Variants in ZEB1 observed in about 807,000 individuals in gnomAD.
ZEB1 encodes the protein zinc finger E-box-binding homeobox 1.
In ZEB1, 21 loss-of-function variants were observed where a neutral mutation model predicts 84.9. The ratio of observed to expected loss-of-function variants is 0.25; its 90% CI spans 0.18 to 0.36. The LOEUF (loss-of-function observed/expected upper bound fraction) is 0.36, where lower values mean the gene tolerates loss of function less well. Ranked by LOEUF, ZEB1 falls within the 10% of genes least tolerant of loss-of-function variation. The probability of loss-of-function intolerance (pLI) is 1.00; values close to 1 mark genes in which losing one functional copy is unlikely to be tolerated. For synonymous variants in ZEB1, 420 were observed against 471.1 expected (o/e 0.89, Z 1.41); for missense variants, 1,104 against 1,330.2 (o/e 0.83, Z 2.65).
chr10:31,420,254 G>A (rs868213798), intron 1 of ZEB1, among the ~76,000 whole-genome samples: 4 of 152,036 alleles, frequency 2.6e-5, no homozygotes, highest in South Asian at 2.1e-4. Context: ...TAAACAACAC[G>A]TATTTATTGT....
At chr10:31,349,291 TA>T (rs1337220510) in intron 1 of ZEB1, among the ~76,000 whole-genome samples, 1 of 152,266 alleles carries the variant, frequency 6.6e-6, no homozygotes, top group Non-Finnish European at 1.5e-5. Flanking sequence ...GTTGTGTGCG[TA>T]TACTACATTC....
chr10:31,482,927 C>T (rs2065235727), intron 2 of ZEB1, among the ~76,000 whole-genome samples: 1 of 152,008 alleles, frequency 6.6e-6, no homozygotes, highest in Non-Finnish European at 1.5e-5. Context: ...AGATATCTTG[C>T]CCCAAAGGAA....
At chr10:31,396,229 T>C (rs1425540613) in intron 1 of ZEB1, among the ~76,000 whole-genome samples, 2 of 152,212 alleles carry the variant, frequency 1.3e-5, no homozygotes, top group African/African-American at 4.8e-5. Flanking sequence ...TTATGAAATA[T>C]GTCATGTATA....
intron 1 of ZEB1, among the ~76,000 whole-genome samples, chr10:31,412,854 C>T (rs2054553527): frequency 6.6e-6 from 1 of 152,116 alleles, no homozygotes; most frequent in Non-Finnish European, 1.5e-5. Flanking sequence ...TGTTATTCAT[C>T]CAGCGAAGGT....
chr10:31,445,165 C>T (rs1385176429), intron 1 of ZEB1, among the ~76,000 whole-genome samples: 1 of 141,240 alleles, frequency 7.1e-6, no homozygotes, highest in Non-Finnish European at 1.5e-5. Flanking sequence ...GTATTTTATT[C>T]TCTTTGAAGC....
chr10:31,450,699 C>G (rs223529), intron 1 of ZEB1, among the ~76,000 whole-genome samples: 11,881 of 152,100 alleles, frequency 0.078, 659 homozygotes, highest in African/African-American at 0.16. Context: ...GCAAAAGTAT[C>G]AGCAAGGGAA....
intron 1 of ZEB1, among the ~76,000 whole-genome samples, chr10:31,330,938 C>CT (rs1037396824): frequency 2.0e-5 from 3 of 151,708 alleles, no homozygotes; most frequent in Non-Finnish European, 2.9e-5. Flanking sequence ...TTTAATACTC[C>CT]TTTTAGCTCT....
chr10:31,523,250 CG>C (rs1565221123), intron 7 of ZEB1, among the ~76,000 whole-genome samples: 1 of 152,200 alleles, frequency 6.6e-6, no homozygotes, highest in East Asian at 1.9e-4. Context: ...TACATAAGAA[CG>C]TGCTGCCCAA....
chr10:31,442,556 A>T (rs1455058246), intron 1 of ZEB1, among the ~76,000 whole-genome samples: 2 of 142,200 alleles, frequency 1.4e-5, no homozygotes. Flanking sequence ...TTAAAAGTAT[A>T]ATAATAATAA....
At chr10:31,474,153 A>C (rs1293760660) in intron 2 of ZEB1, among the ~76,000 whole-genome samples, 1 of 152,212 alleles carries the variant, frequency 6.6e-6, no homozygotes, top group Admixed American at 6.5e-5. Context: ...GGCACGGGCA[A>C]GGACTTCATG....
At chr10:31,477,709 C>T (rs946718400) in intron 2 of ZEB1, among the ~76,000 whole-genome samples, 5 of 151,960 alleles carry the variant, frequency 3.3e-5, no homozygotes, top group Non-Finnish European at 7.4e-5. Context: ...AATAAAGTGA[C>T]ATACCTACAA....
chr10:31,429,519 A>G (rs149144), intron 1 of ZEB1, among the ~76,000 whole-genome samples: 11,926 of 152,028 alleles, frequency 0.078, 667 homozygotes, highest in African/African-American at 0.16. Context: ...AACAACAGAC[A>G]CTGGGGCTTA....
At position 31,328,037 on chromosome 10, in the gene ZEB1, C is replaced by T. The variant is rs569688525; in HGVS notation, c.58+8745C>T. On this transcript the variant is annotated intron_variant, in intron 1 of 8. Coordinates refer to ENST00000424869, the MANE Select transcript of ZEB1 (RefSeq NM_001174096.2). ...GTGTATTTAAGATGATAATCCCCAACGTTTCAGTCATTTGACTTTGGTACA... is the reference window on the plus strand; with the variant it reads ...GTGTATTTAAGATGATAATCCCCAATGTTTCAGTCATTTGACTTTGGTACA... Among the ~76,000 whole-genome samples the T allele has an allele frequency of 4.6e-5, 7 of 152,194 alleles. No homozygotes were observed. In the South Asian group the frequency reaches 1.2e-3, roughly 27 times the overall value.
At position 31,521,956 on chromosome 10, in the gene ZEB1, C is replaced by G; in HGVS notation, c.2604+20C>G. The G allele has an allele frequency of 6.2e-7, 1 of 1,613,890 alleles. No individual in the cohort carries two copies. Among genetic ancestry groups the G allele is most frequent in the African/African-American group, 1.3e-5 (1 of 75,024 alleles). ...AATCAGGTAAAAAATAACCTCCATC[C>G]TGAACCTGGCTAGTAATATGCTATT... On this transcript the variant is annotated intron_variant, in intron 7 of 8. Transcript: ENST00000424869.
intron 1 of ZEB1, among the ~76,000 whole-genome samples, chr10:31,400,929 A>G (rs2051866476): frequency 6.6e-6 from 1 of 152,204 alleles, no homozygotes; most frequent in Admixed American, 6.5e-5. Flanking sequence ...CAATTATGAC[A>G]TACATTTCTT....
intron 1 of ZEB1, chr10:31,387,325 TTTGGAATGCTCCA>T: frequency 1.0e-6 from 1 of 985,384 alleles, no homozygotes. Context: ...TAAGACTGGT[TTTGGAATGCTCCA>T]TTGAGGGTGT....
At chr10:31,339,693 C>T (rs551160450) in intron 1 of ZEB1, among the ~76,000 whole-genome samples, 5 of 151,650 alleles carry the variant, frequency 3.3e-5, no homozygotes, top group African/African-American at 9.7e-5. Flanking sequence ...TCGCTTGAAC[C>T]GGGGAGGCAG....
chr10:31,527,202 T>G lies in ZEB1; in HGVS notation c.3316T>G (p.Leu1106Val), dbSNP rs138952579. ...CAGGGCTGAAAGTCAAGCAAGCAGC[T>G]TAGGACAAAAAGTAGGCGAGAGTAG... The part of the protein sequence containing the change: ...DDRAESQASS[L>V]GQKVGESSEQ... Residue 1106 changes from leucine to valine, a missense_variant, in exon 9 of 9, where the codon TTA becomes GTA. Leu to Val is a conservative substitution (Grantham distance 32). Transcript: ENST00000424869. 49 of 1,611,484 alleles carry G rather than the reference T, an allele frequency of 3.0e-5. No homozygotes were observed. In the African/African-American group the frequency reaches 5.9e-4, roughly 19 times the overall value.
In ZEB1 at chr10:31,322,386, GTAGAGA is replaced by G. The variant is rs551024151; in HGVS notation, c.58+3098_58+3103del. On this transcript the variant is annotated intron_variant, in intron 1 of 8. Coordinates refer to ENST00000424869, the MANE Select transcript of ZEB1 (RefSeq NM_001174096.2). ...GTGATATATACAGTGGAAGATTGTC[GTAGAGA>G]TAGTTTATGTTGTTATATATGTAAA... Among the ~76,000 whole-genome samples the G allele has an allele frequency of 2.4e-3, 367 of 152,302 alleles. 1 individual carries two copies. Among genetic ancestry groups the G allele is most frequent in the African/African-American group, 8.1e-3 (336 of 41,556 alleles).
Sources: gnomAD v4.1 joint callset for allele counts (sites outside exome capture counted in the v4.1 genomes callset) on GRCh38, gnomAD v4.1.1 for gene constraint, MANE v1.5 for transcripts, NCBI Gene and HGNC (gene_info 2026-07-23, HGNC 2026-07-21) for gene names.